The following SGPP1 variants were observed in gnomAD, a reference collection of about 807,000 sequenced individuals.
SGPP1 encodes the protein sphingosine-1-phosphate phosphatase 1.
In SGPP1, 21 loss-of-function variants were observed where a neutral mutation model predicts 33.0. That is an observed-to-expected ratio of 0.64 (90% confidence interval 0.45 to 0.92). The LOEUF is 0.92. Ranked by LOEUF, SGPP1 falls within the 40% of genes least tolerant of loss-of-function variation. SGPP1 has a pLI of 0.00. For synonymous variants in SGPP1, 239 were observed against 241.2 expected (o/e 0.99, Z 0.08); for missense variants, 543 against 589.4 (o/e 0.92, Z 0.81).
intron 2 of SGPP1, among the ~76,000 whole-genome samples, chr14:63,689,008 A>ACTGCATCTGGCCAT (rs1452382336): frequency 6.6e-6 from 1 of 152,194 alleles, no homozygotes; most frequent in African/African-American, 2.4e-5. Flanking sequence ...GGCGTGAGCC[A>ACTGCATCTGGCCAT]CTGCATCTGG....
chr14:63,709,668 G>C (rs1014917531), intron 1 of SGPP1, among the ~76,000 whole-genome samples: 7 of 151,800 alleles, frequency 4.6e-5, no homozygotes, highest in Admixed American at 1.3e-4. Context: ...TAAATCTTTA[G>C]GTCTTATAGA....
chr14:63,694,189 G>A (rs1040174930), intron 2 of SGPP1, among the ~76,000 whole-genome samples: 6 of 151,828 alleles, frequency 4.0e-5, no homozygotes, highest in African/African-American at 1.5e-4. Flanking sequence ...TGGGAAGATC[G>A]CTTGAGTCCA....
intron 1 of SGPP1, among the ~76,000 whole-genome samples, chr14:63,702,915 C>T (rs940705003): frequency 2.8e-4 from 42 of 152,006 alleles, no homozygotes; most frequent in African/African-American, 9.9e-4. Flanking sequence ...TTTTTTTTTA[C>T]TGTGCCTAAT....
chr14:63,692,000 T>C (rs1181592389), intron 2 of SGPP1, among the ~76,000 whole-genome samples: 2 of 152,076 alleles, frequency 1.3e-5, no homozygotes, highest in African/African-American at 4.8e-5. Flanking sequence ...GTTAAGGTAT[T>C]CTTTAGACTC....
chr14:63,707,673 C>A (rs1008716835), intron 1 of SGPP1, among the ~76,000 whole-genome samples: 2 of 151,994 alleles, frequency 1.3e-5, no homozygotes, highest in African/African-American at 4.8e-5. Context: ...CTTGAACTGC[C>A]AACCTCATGT....
intron 1 of SGPP1, among the ~76,000 whole-genome samples, chr14:63,713,716 C>T (rs1381551632): frequency 6.6e-6 from 1 of 152,158 alleles, no homozygotes; most frequent in African/African-American, 2.4e-5. Context: ...GAAGTATTTT[C>T]TTGCTATTGT....
Position 63,686,538 on chromosome 14 carries a change from A to C in SGPP1, c.893T>G (p.Leu298Arg). Residue 298 changes from leucine (L) to arginine (R), a missense_variant, in exon 3 of 3, where the codon CTT becomes CGT. Transcript: ENST00000247225. ...HKYAPFIIIG[L>R]HLALGIFSFT... ...AGAAAAGATCCCCAAAGCTAAATGA[A>C]GCCCGATGATGATGAATGGAGCATA... The C allele has an allele frequency of 3.1e-6, 5 of 1,614,110 alleles. No homozygotes were observed. Among genetic ancestry groups the C allele is most frequent in the Non-Finnish European group, 4.2e-6 (5 of 1,180,008 alleles).
chr14:63,722,659 A>G (rs1213775736), intron 1 of SGPP1, among the ~76,000 whole-genome samples: 1 of 152,042 alleles, frequency 6.6e-6, no homozygotes, highest in Admixed American at 6.6e-5. Flanking sequence ...AGTTGTCTAT[A>G]AAGTAAGTGC....
chr14:63,720,422 G>C (rs879518778), intron 1 of SGPP1, among the ~76,000 whole-genome samples: 1 of 151,918 alleles, frequency 6.6e-6, no homozygotes, highest in Non-Finnish European at 1.5e-5. Flanking sequence ...AGTGATAAAA[G>C]CAAGATCCAG....
At chr14:63,698,062 G>A (rs1308257944) in intron 2 of SGPP1, among the ~76,000 whole-genome samples, 1 of 152,152 alleles carries the variant, frequency 6.6e-6, no homozygotes, top group Non-Finnish European at 1.5e-5. Context: ...CTGCTGCTTT[G>A]GGAACCGAAT....
At chr14:63,710,680 A>T (rs1306046101) in intron 1 of SGPP1, among the ~76,000 whole-genome samples, 1 of 152,194 alleles carries the variant, frequency 6.6e-6, no homozygotes, top group Non-Finnish European at 1.5e-5. Context: ...AGTCCACATG[A>T]CAGACAAAGG....
chr14:63,711,116 C>A (rs566947103), intron 1 of SGPP1, among the ~76,000 whole-genome samples: 2 of 151,166 alleles, frequency 1.3e-5, no homozygotes, highest in African/African-American at 4.9e-5. Context: ...CGGGTTCAAG[C>A]GATTCTCCTG....
intron 1 of SGPP1, among the ~76,000 whole-genome samples, chr14:63,704,834 T>C (rs972830012): frequency 9.9e-5 from 15 of 152,024 alleles, no homozygotes; most frequent in African/African-American, 3.6e-4. Context: ...TTCATCAAAA[T>C]TTACAAATTG....
At chr14:63,693,244 T>C (rs1226109776) in intron 2 of SGPP1, among the ~76,000 whole-genome samples, 2 of 152,262 alleles carry the variant, frequency 1.3e-5, no homozygotes, top group African/African-American at 4.8e-5. Context: ...ATTCTTCATA[T>C]TTCAGAGCCC....
chr14:63,721,648 ACT>A (rs931973789), intron 1 of SGPP1, among the ~76,000 whole-genome samples: 4 of 152,026 alleles, frequency 2.6e-5, no homozygotes, highest in African/African-American at 9.7e-5. Context: ...TACTTTTGTA[ACT>A]CTTACTTTTT....
chr14:63,686,440 A>G lies in SGPP1; in HGVS notation c.991T>C (p.Cys331Arg). 6.2e-7 allele frequency: 1 copy of G among 1,614,176 alleles called. No homozygotes were observed. The highest frequency in any genetic ancestry group is 8.5e-7 in the Non-Finnish European group (1 of 1,180,018). Residue 331 changes from cysteine to arginine, a missense_variant, in exon 3 of 3, where the codon TGT (cysteine) becomes CGT (arginine). Transcript: ENST00000247225. The part of the protein sequence containing the change: ...EILGSGAGIA[C>R]GSHVTYNMGL... Reference sequence around the variant, plus strand: ...ATGTTATAAGTAACATGAGATCCACATGCAATTCCAGCACCACTTCCTAGT... The same window carrying G: ...ATGTTATAAGTAACATGAGATCCACGTGCAATTCCAGCACCACTTCCTAGT...
chr14:63,711,015 CTTT>C (rs1392932036), intron 1 of SGPP1, among the ~76,000 whole-genome samples: 6 of 140,674 alleles, frequency 4.3e-5, no homozygotes, highest in Non-Finnish European at 3.1e-5. Context: ...TGTTTTCTTT[CTTT>C]TTTTTTTTTT....
intron 1 of SGPP1, among the ~76,000 whole-genome samples, chr14:63,703,477 A>T (rs1362996699): frequency 6.6e-6 from 1 of 151,960 alleles, no homozygotes; most frequent in Non-Finnish European, 1.5e-5. Context: ...ACATGGTGAA[A>T]CCCTGTCTCC....
In SGPP1 at chr14:63,727,903, C is replaced by A; in HGVS notation, c.42G>T (p.Leu14=). The A allele has an allele frequency of 6.5e-7, 1 of 1,540,226 alleles. No individual in the cohort carries two copies. Among genetic ancestry groups the A allele is most frequent in the Non-Finnish European group, 8.7e-7 (1 of 1,151,580 alleles). Residue 14 remains leucine (L), a synonymous_variant, in exon 1 of 3, where the codon CTG becomes CTT. Coordinates refer to ENST00000247225, the MANE Select transcript of SGPP1 (RefSeq NM_030791.4). ...AACGGGCCACTTTCTGCGGGTCCTG[C>A]AGACGGCCAACCAGCTGGGCCAGGC... The part of the protein sequence containing the change: ...RQRLAQLVGR[L]QDPQKVARFQ...
Sources: allele counts gnomAD v4.1 joint callset (sites outside exome capture counted in the v4.1 genomes callset), GRCh38; gene constraint gnomAD v4.1.1; transcripts MANE v1.5; gene names NCBI Gene and HGNC (gene_info 2026-07-23, HGNC 2026-07-21).